Variants in GPC6 observed in about 807,000 individuals in gnomAD.
GPC6 encodes glypican-6.
A neutral mutation model predicts 55.2 loss-of-function variants in GPC6; 14 were observed. The ratio of observed to expected loss-of-function variants is 0.25; its 90% CI spans 0.17 to 0.40. The LOEUF (loss-of-function observed/expected upper bound fraction) is 0.40. Among genes scored for constraint, GPC6 ranks in the 10% least tolerant of loss-of-function variants. The probability of loss-of-function intolerance (pLI) is 1.00; values close to 1 mark genes in which losing one functional copy is unlikely to be tolerated. For synonymous variants in GPC6, 278 were observed against 259.6 expected, an observed-to-expected ratio of 1.07 and a Z score of -0.68; for missense variants, 641 against 708.5, an observed-to-expected ratio of 0.90 and a Z score of 1.08.
At chr13:93,649,751 C>T (rs1210558495) in intron 2 of GPC6, among the ~76,000 whole-genome samples, 2 of 152,106 alleles carry the variant, frequency 1.3e-5, no homozygotes, top group Admixed American at 6.5e-5. Flanking sequence ...CAGTCTGCTT[C>T]AGTTAAAAAA....
intron 1 of GPC6, among the ~76,000 whole-genome samples, chr13:93,429,814 C>A (rs1877287358): frequency 6.6e-6 from 1 of 152,004 alleles, no homozygotes; most frequent in African/African-American, 2.4e-5. Flanking sequence ...TGCTCAGGTG[C>A]CTTGACCCAC....
At chr13:93,721,831 C>T (rs1182322296) in intron 2 of GPC6, among the ~76,000 whole-genome samples, 1 of 151,618 alleles carries the variant, frequency 6.6e-6, no homozygotes, top group Non-Finnish European at 1.5e-5. Context: ...TCATGACATC[C>T]ACATATTAAG....
At chr13:94,089,947 A>T (rs1157491000) in intron 4 of GPC6, among the ~76,000 whole-genome samples, 3 of 152,182 alleles carry the variant, frequency 2.0e-5, no homozygotes, top group Admixed American at 6.6e-5. Flanking sequence ...ACCCATAACC[A>T]TATAGCCAAA....
intron 3 of GPC6, among the ~76,000 whole-genome samples, chr13:93,855,184 T>G (rs1315651932): frequency 6.6e-6 from 1 of 151,690 alleles, no homozygotes; most frequent in East Asian, 1.9e-4. Flanking sequence ...CCTGTTTATC[T>G]CTCCATCCTT....
At chr13:93,635,611 G>A (rs192709404) in intron 2 of GPC6, among the ~76,000 whole-genome samples, 2 of 152,138 alleles carry the variant, frequency 1.3e-5, no homozygotes, top group Non-Finnish European at 2.9e-5. Flanking sequence ...TTCATTAAAG[G>A]CATACTCAGA....
intron 2 of GPC6, among the ~76,000 whole-genome samples, chr13:93,808,564 G>A (rs1594475034): frequency 6.6e-6 from 1 of 152,074 alleles, no homozygotes; most frequent in African/African-American, 2.4e-5. Flanking sequence ...AATTTTTAAA[G>A]TTTTAGTTCC....
chr13:94,226,112 C>A lies in GPC6; in HGVS notation c.878-60237C>A, dbSNP rs189749049. Among the ~76,000 whole-genome samples, 251 of 152,288 alleles carry A rather than the reference C, an allele frequency of 1.6e-3. 1 individual carries two copies. The highest frequency in any genetic ancestry group is 5.9e-3 in the African/African-American group (244 of 41,568). On this transcript the variant is annotated intron_variant, in intron 4 of 8. Transcript: ENST00000377047. ...TTTTTGCTGAGATGACCAACAAATTCTTACCATCATTATGAGGAAAACACA... is the reference window on the plus strand; with the variant it reads ...TTTTTGCTGAGATGACCAACAAATTATTACCATCATTATGAGGAAAACACA...
At chr13:94,143,347 T>A (rs182529584) in intron 4 of GPC6, among the ~76,000 whole-genome samples, 1 of 152,266 alleles carries the variant, frequency 6.6e-6, no homozygotes, top group African/African-American at 2.4e-5. Context: ...TATTTCAGTT[T>A]TAATTCAGAC....
rs182352563 is a variant in GPC6, at chr13:94,041,724, T to C, written c.877+13830T>C. ...TTACCAGGGGTTTAGTATATATGCA[T>C]TAAACTTGACATATAAGCTTTATAT... On this transcript the variant is annotated intron_variant, in intron 4 of 8. Coordinates refer to ENST00000377047, the MANE Select transcript of GPC6 (RefSeq NM_005708.5). Among the ~76,000 whole-genome samples, 3 of 151,994 alleles carry C rather than the reference T, an allele frequency of 2.0e-5. No homozygotes were observed. In the East Asian group the frequency reaches 5.8e-4, roughly 29 times the overall value.
intron 4 of GPC6, among the ~76,000 whole-genome samples, chr13:94,183,915 G>C (rs923247858): frequency 6.6e-6 from 1 of 152,184 alleles, no homozygotes; most frequent in Admixed American, 6.5e-5. Flanking sequence ...ATAGACCACT[G>C]TAACAAAATA....
intron 1 of GPC6, among the ~76,000 whole-genome samples, chr13:93,422,629 G>A (rs1008354163): frequency 6.6e-6 from 1 of 152,168 alleles, no homozygotes; most frequent in African/African-American, 2.4e-5. Flanking sequence ...GAAGATGAGT[G>A]AATGTATGCC....
At chr13:93,480,798 T>TA in intron 1 of GPC6, among the ~76,000 whole-genome samples, 1 of 152,230 alleles carries the variant, frequency 6.6e-6, no homozygotes, top group East Asian at 1.9e-4. Flanking sequence ...TATTGCCTAA[T>TA]AATTTTCTAT....
At chr13:94,266,488 T>C (rs12585684) in intron 4 of GPC6, among the ~76,000 whole-genome samples, 21,868 of 152,062 alleles carry the variant, frequency 0.14, 2,154 homozygotes, top group Admixed American at 0.29. Context: ...TTTTTCTTAC[T>C]GCTGTTCTCC....
At chr13:94,100,568 T>A (rs1438111643) in intron 4 of GPC6, among the ~76,000 whole-genome samples, 1 of 152,198 alleles carries the variant, frequency 6.6e-6, no homozygotes, top group Non-Finnish European at 1.5e-5. Flanking sequence ...TTCCTGTGGT[T>A]TCGCCTTTGG....
At chr13:94,289,825 C>T (rs1218319361) in intron 5 of GPC6, among the ~76,000 whole-genome samples, 1 of 152,158 alleles carries the variant, frequency 6.6e-6, no homozygotes, top group African/African-American at 2.4e-5. Flanking sequence ...GCTCCATCCT[C>T]ATCTATAAAA....
chr13:93,414,116 G>T (rs1032618172), intron 1 of GPC6, among the ~76,000 whole-genome samples: 2 of 152,140 alleles, frequency 1.3e-5, no homozygotes, highest in African/African-American at 4.8e-5. Context: ...AACCTGGAGG[G>T]TGGGAAGGAA....
At chr13:93,819,980 A>T (rs1199595800) in intron 2 of GPC6, among the ~76,000 whole-genome samples, 5 of 152,234 alleles carry the variant, frequency 3.3e-5, no homozygotes, top group Non-Finnish European at 7.3e-5. Flanking sequence ...AAATCTCCCT[A>T]TATCAACCAA....
intron 2 of GPC6, among the ~76,000 whole-genome samples, chr13:93,814,068 A>G: frequency 6.6e-6 from 1 of 152,224 alleles, no homozygotes; most frequent in South Asian, 2.1e-4. Context: ...TCTTATTAGG[A>G]GGTATCTGCA....
At chr13:93,424,888 C>T (rs1877066467) in intron 1 of GPC6, among the ~76,000 whole-genome samples, 1 of 152,068 alleles carries the variant, frequency 6.6e-6, no homozygotes, top group South Asian at 2.1e-4. Context: ...GAATATTAGG[C>T]CCTTCTCTGG....
Sources: gnomAD v4.1 joint callset for allele counts (sites outside exome capture counted in the v4.1 genomes callset) on GRCh38, gnomAD v4.1.1 for gene constraint, MANE v1.5 for transcripts, NCBI Gene and HGNC (gene_info 2026-07-23, HGNC 2026-07-21) for gene names.